DNM2: variants seen among roughly 807,000 people sequenced by gnomAD.
DNM2 encodes dynamin-2.
In DNM2, 15 loss-of-function variants were observed where a neutral mutation model predicts 99.0. That is an observed-to-expected ratio of 0.15 (90% CI 0.10 to 0.23). DNM2 has a LOEUF of 0.23. Among genes scored for constraint, DNM2 ranks in the 10% least tolerant of loss-of-function variants. The pLI, the probability that DNM2 is intolerant of heterozygous loss-of-function variation, is 1.00. For missense variants in DNM2, 742 were observed against 1,189.4 expected, an observed-to-expected ratio of 0.62 and a Z score of 5.53; for synonymous variants, 525 against 481.2, an observed-to-expected ratio of 1.09 and a Z score of -1.19.
In DNM2 at chr19:10,764,089, G is replaced by A. The variant is rs1054082240; in HGVS notation, c.235+4278G>A. Among the ~76,000 whole-genome samples, 2 of 152,170 alleles carry A rather than the reference G, an allele frequency of 1.3e-5. No individual in the cohort carries two copies. The highest frequency in any genetic ancestry group is 1.9e-4 in the East Asian group (1 of 5,194). On this transcript the variant is annotated intron_variant, in intron 2 of 20. Coordinates refer to ENST00000389253, the MANE Select transcript of DNM2 (RefSeq NM_001005361.3). This position sits in a 1 kb window ranked among gnomAD's most constrained non-coding sequence, Gnocchi z 4.1. Reference sequence around the variant, plus strand: ...GCGGGCATCAGTGATTGCTGGGGCCGGCGGGGCCTTGTGGGGTATACACCA... The same window carrying A: ...GCGGGCATCAGTGATTGCTGGGGCCAGCGGGGCCTTGTGGGGTATACACCA...
intron 18 of DNM2, 23 bp downstream of exon 18, chr19:10,825,244 G>A (rs1599631433): frequency 6.2e-7 from 1 of 1,613,150 alleles, no homozygotes; most frequent in South Asian, 1.1e-5. Flanking sequence ...CTAAAAATGA[G>A]AAGGAGGTAG....
Position 10,830,383 on chromosome 19 carries a change from G to A in DNM2, c.2543+5G>A. ...GATTCCCCCAGGAGTGCCCAGGTAA[G>A]GCCAACCCCCTGCCCTCCACCCCAA... On this transcript the variant is annotated splice_donor_5th_base_variant and intron_variant, in intron 20 of 20. Transcript: ENST00000389253. This position sits in a 1 kb window ranked among gnomAD's most constrained non-coding sequence, Gnocchi z 4.8. The A allele has an allele frequency of 2.5e-6, 4 of 1,607,806 alleles. No homozygotes were observed. In the African/African-American group the frequency reaches 4.0e-5, roughly 16 times the overall value.
At chr19:10,814,710 A>G (rs1421615572) in intron 15 of DNM2, among the ~76,000 whole-genome samples, 1 of 151,910 alleles carries the variant, frequency 6.6e-6, no homozygotes, top group Non-Finnish European at 1.5e-5. Context: ...CGTATGAGTG[A>G]CAACATGCAA....
chr19:10,729,641 T>C (rs186884490), intron 1 of DNM2, among the ~76,000 whole-genome samples: 21 of 152,106 alleles, frequency 1.4e-4, no homozygotes, highest in Non-Finnish European at 2.8e-4. Context: ...AATGCCGACT[T>C]TTCTAAATTT....
chr19:10,813,899 A>G (rs2146119986), intron 15 of DNM2, among the ~76,000 whole-genome samples: 1 of 152,062 alleles, frequency 6.6e-6, no homozygotes, highest in South Asian at 2.1e-4. Context: ...ACAGTGGCTC[A>G]TGCCTGTAAT....
chr19:10,777,200 G>C lies in DNM2; in HGVS notation c.672G>C (p.Leu224Phe). Residue 224 changes from leucine (L) to phenylalanine (F), a missense_variant, in exon 5 of 21, where the codon TTG (leucine) becomes TTC (phenylalanine). Coordinates refer to ENST00000389253, the MANE Select transcript of DNM2 (RefSeq NM_001005361.3). ...TDARDVLENK[L>F]LPLRRGYIGV... ...CCAGGGACGTCTTGGAGAACAAGTT[G>C]CTCCCGTTGAGAAGAGGTGTGGCTT... is the stretch of plus-strand genomic sequence containing the variant. 6.2e-7 allele frequency: 1 copy of C among 1,614,206 alleles called. No homozygotes were observed. Among genetic ancestry groups the C allele is most frequent in the Non-Finnish European group, 8.5e-7 (1 of 1,180,034 alleles).
intron 5 of DNM2, among the ~76,000 whole-genome samples, chr19:10,782,486 G>A (rs2071412511): frequency 6.6e-6 from 1 of 151,934 alleles, no homozygotes; most frequent in Non-Finnish European, 1.5e-5. Context: ...AGCCTCCCGA[G>A]TACCTGGGAC....
At chr19:10,737,018 C>A (rs1342940456) in intron 1 of DNM2, among the ~76,000 whole-genome samples, 1 of 152,106 alleles carries the variant, frequency 6.6e-6, no homozygotes, top group Non-Finnish European at 1.5e-5. Flanking sequence ...CATGGCAGCG[C>A]ATACTTACAG....
At chr19:10,790,711 G>A (rs2071724702) in intron 7 of DNM2, among the ~76,000 whole-genome samples, 1 of 152,088 alleles carries the variant, frequency 6.6e-6, no homozygotes, top group South Asian at 2.1e-4. Context: ...TAGGTGATCT[G>A]CCCACCTCGG....
chr19:10,793,081 G>A (rs1338231409), intron 7 of DNM2, among the ~76,000 whole-genome samples: 1 of 152,122 alleles, frequency 6.6e-6, no homozygotes, highest in African/African-American at 2.4e-5. Flanking sequence ...AGGTGTCTTT[G>A]CAGAATTACC....
chr19:10,766,853 G>T (rs1165806485), intron 2 of DNM2, among the ~76,000 whole-genome samples: 1 of 152,146 alleles, frequency 6.6e-6, no homozygotes, highest in African/African-American at 2.4e-5. Context: ...TGCCAGGCTG[G>T]GTCCCTCAGA....
At chr19:10,735,316 G>A (rs12052163) in intron 1 of DNM2, among the ~76,000 whole-genome samples, 15,524 of 152,072 alleles carry the variant, frequency 0.1, 1,231 homozygotes, top group East Asian at 0.37. Context: ...GGGATTACAG[G>A]CGTAAGCCAC....
intron 17 of DNM2, 112 bp from the exon 18 acceptor site, chr19:10,824,945 G>A: frequency 6.4e-7 from 1 of 1,555,656 alleles, no homozygotes; most frequent in Non-Finnish European, 8.8e-7. Context: ...GGGGCTGTCA[G>A]GGGCCAGCCT....
At chr19:10,767,681 G>C (rs1279285654) in intron 2 of DNM2, among the ~76,000 whole-genome samples, 1 of 151,908 alleles carries the variant, frequency 6.6e-6, no homozygotes, top group African/African-American at 2.4e-5. Flanking sequence ...CGAGGTGGGC[G>C]GATCACCTGA....
chr19:10,764,541 C>T lies in DNM2; in HGVS notation c.235+4730C>T, dbSNP rs1176544847. 6.6e-6 allele frequency among the ~76,000 whole-genome samples: 1 copy of T among 152,224 alleles called. No individual in the cohort carries two copies. The highest frequency in any genetic ancestry group is 1.9e-4 in the East Asian group (1 of 5,206). ...AAACTCTGAGTGCCTGGGACTGTTC[C>T]TGTGTGGAATGTGCACAGTGAGGCC... On this transcript the variant is annotated intron_variant, in intron 2 of 20. Coordinates refer to ENST00000389253, the MANE Select transcript of DNM2 (RefSeq NM_001005361.3). The surrounding 1 kb of genome is among the most constrained non-coding windows in gnomAD (Gnocchi z 4.1).
chr19:10,822,070 G>A (rs2072989112), intron 16 of DNM2, among the ~76,000 whole-genome samples: 1 of 152,206 alleles, frequency 6.6e-6, no homozygotes, highest in Non-Finnish European at 1.5e-5. Flanking sequence ...ACAGGAAAAT[G>A]TGCGTGGCAT....
chr19:10,830,675 C>T lies in DNM2; in HGVS notation c.2543+297C>T, dbSNP rs908855208. On this transcript the variant is annotated intron_variant, in intron 20 of 20. Coordinates refer to ENST00000389253, the MANE Select transcript of DNM2 (RefSeq NM_001005361.3). This position sits in a 1 kb window ranked among gnomAD's most constrained non-coding sequence, Gnocchi z 4.8. ...CTGGGCACCTCCTCCCACTGTTTACCTTCTTCTCCTTCCTGCTCCTGCCTG... is the reference window on the plus strand; with the variant it reads ...CTGGGCACCTCCTCCCACTGTTTACTTTCTTCTCCTTCCTGCTCCTGCCTG... The T allele has an allele frequency of 3.4e-6, 2 of 581,628 alleles. No homozygotes were observed. The highest frequency in any genetic ancestry group is 2.2e-5 in the South Asian group (1 of 45,420). The allele number at this position is 581,628 out of a possible 1,614,324, so 36.0% of individuals were successfully genotyped here.
rs1471438105 is a variant in DNM2, at chr19:10,772,337, C to A, written c.236-142C>A. 1.8e-6 allele frequency: 2 copies of A among 1,108,674 alleles called. No individual in the cohort carries two copies. Among genetic ancestry groups the A allele is most frequent in the Non-Finnish European group, 2.7e-6 (2 of 742,530 alleles). 68.7% of individuals were successfully genotyped at this position (1,108,674 alleles called of 1,614,324 possible). A position where few individuals can be genotyped will look rare whatever the true frequency, so the allele number is the denominator to read the frequency against. On this transcript the variant is annotated intron_variant, in intron 2 of 20. Coordinates refer to ENST00000389253, the MANE Select transcript of DNM2 (RefSeq NM_001005361.3). This position sits in a 1 kb window ranked among gnomAD's most constrained non-coding sequence, Gnocchi z 4.9. ...CTTGTGATCTGCCCACCTCTGCCTC[C>A]CAAAGTGCTGGGATTACAGGCGTGA...
intron 14 of DNM2, chr19:10,810,295 C>A: frequency 6.5e-6 from 1 of 152,838 alleles, no homozygotes; most frequent in Non-Finnish European, 1.5e-5. Flanking sequence ...CCTTCTAAGC[C>A]CAGTCCCATT....
Sources: allele counts gnomAD v4.1 joint callset (sites outside exome capture counted in the v4.1 genomes callset), GRCh38; gene constraint gnomAD v4.1.1; non-coding constraint Gnocchi (gnomAD v3.1); transcripts MANE v1.5; gene names NCBI Gene and HGNC (gene_info 2026-07-23, HGNC 2026-07-21).